Variants in ELOVL2 observed in about 807,000 individuals in gnomAD.
The protein encoded by ELOVL2 is very long chain fatty acid elongase 2.
ELOVL2 carries 38 observed loss-of-function variants against 37.7 expected under a neutral mutation model. The observed-to-expected ratio is 1.01, with a 90% confidence interval of 0.78 to 1.32. The LOEUF (loss-of-function observed/expected upper bound fraction) is 1.32. ELOVL2 is among the 40% of genes most tolerant of loss of function. ELOVL2 has a pLI of 0.00. For synonymous variants in ELOVL2, 115 were observed against 122.3 expected, an observed-to-expected ratio of 0.94 and a Z score of 0.40; for missense variants, 352 against 363.6, an observed-to-expected ratio of 0.97 and a Z score of 0.26.
chr6:11,023,846 A>G (rs1334468140), intron 1 of ELOVL2, among the ~76,000 whole-genome samples: 2 of 152,242 alleles, frequency 1.3e-5, no homozygotes, highest in Non-Finnish European at 2.9e-5. Context: ...AGGAAAATAA[A>G]TCACTAAAAA....
Position 11,010,721 on chromosome 6 carries a change from T to C in ELOVL2, c.67+25A>G, listed in dbSNP as rs903313067. The stretch of plus-strand genomic sequence containing the variant: ...GTGTTCTTCCTGTGTTCCTTCCACA[T>C]TAAGTTCTCAAGTAATTCACTGACC... On this transcript the variant is annotated intron_variant, in intron 2 of 7. Coordinates refer to ENST00000354666, the MANE Select transcript of ELOVL2 (RefSeq NM_017770.4). 1.9e-6 allele frequency: 3 copies of C among 1,589,920 alleles called. No homozygotes were observed. In the South Asian group the frequency reaches 3.3e-5, roughly 18 times the overall value.
At chr6:11,036,538 G>A (rs762756099) in intron 1 of ELOVL2, among the ~76,000 whole-genome samples, 9 of 152,146 alleles carry the variant, frequency 5.9e-5, no homozygotes, top group Admixed American at 1.3e-4. Flanking sequence ...TTTCGACTGC[G>A]TTGCCCCGGA....
rs747610272 is a variant in ELOVL2, at chr6:10,989,847, G to A, written c.631-10C>T. 54 of 1,613,858 alleles carry A rather than the reference G, an allele frequency of 3.3e-5. No individual in the cohort carries two copies. Among genetic ancestry groups the A allele is most frequent in the Non-Finnish European group, 4.4e-5 (52 of 1,179,922 alleles). On this transcript the variant is annotated splice_polypyrimidine_tract_variant and intron_variant, in intron 6 of 7. Coordinates refer to ENST00000354666, the MANE Select transcript of ELOVL2 (RefSeq NM_017770.4). ...TGAGCACGAACTGCACCTGGGGACGGCAGAGAGGGCATCTCTGTGAGCGAG... is the reference window on the plus strand; with the variant it reads ...TGAGCACGAACTGCACCTGGGGACGACAGAGAGGGCATCTCTGTGAGCGAG...
intron 5 of ELOVL2, among the ~76,000 whole-genome samples, chr6:10,994,349 T>C (rs1301027057): frequency 6.6e-6 from 1 of 150,502 alleles, no homozygotes; most frequent in Non-Finnish European, 1.5e-5. Context: ...GCGCCTGTAA[T>C]CCCAGCTACT....
At chr6:10,997,154 A>G (rs1026148667) in intron 4 of ELOVL2, among the ~76,000 whole-genome samples, 4 of 152,252 alleles carry the variant, frequency 2.6e-5, no homozygotes, top group Non-Finnish European at 5.9e-5. Flanking sequence ...CTCAGCATCC[A>G]ATGCCGAAAT....
chr6:10,995,719 C>T (rs184820941), intron 4 of ELOVL2, among the ~76,000 whole-genome samples: 3 of 152,314 alleles, frequency 2.0e-5, no homozygotes, highest in Admixed American at 1.3e-4. Flanking sequence ...ATTCAAATTA[C>T]TTTAACTGTG....
intron 2 of ELOVL2, among the ~76,000 whole-genome samples, chr6:11,008,579 A>G (rs960489497): frequency 1.3e-5 from 2 of 151,604 alleles, no homozygotes; most frequent in Non-Finnish European, 2.9e-5. Context: ...CTGCATGCCT[A>G]AGGGAGGGGT....
Position 10,990,487 on chromosome 6 carries a change from T to G in ELOVL2, c.506-45A>C, listed in dbSNP as rs1453975519. 4 of 1,521,428 alleles carry G rather than the reference T, an allele frequency of 2.6e-6. No homozygotes were observed. In the East Asian group the frequency reaches 9.8e-5, roughly 37 times the overall value. 94.2% of individuals were successfully genotyped at this position (1,521,428 alleles called of 1,614,324 possible). A position where few individuals can be genotyped will look rare whatever the true frequency, so the allele number is the denominator to read the frequency against. ...AAATCACTATTCTTCCAGGAAGGAC[T>G]GTTCATTCTTCTTTGTCAAGTGAGA... On this transcript the variant is annotated intron_variant, in intron 5 of 7. Coordinates refer to ENST00000354666, the MANE Select transcript of ELOVL2 (RefSeq NM_017770.4).
chr6:11,042,875 C>T (rs1783123787), intron 1 of ELOVL2, among the ~76,000 whole-genome samples: 2 of 152,120 alleles, frequency 1.3e-5, no homozygotes, highest in Admixed American at 1.3e-4. Flanking sequence ...ACCTACTGTG[C>T]GCCAGGCACT....
intron 3 of ELOVL2, among the ~76,000 whole-genome samples, chr6:11,001,048 A>C (rs574124275): frequency 6.6e-6 from 1 of 152,262 alleles, no homozygotes; most frequent in Non-Finnish European, 1.5e-5. Flanking sequence ...CAGGTATTAC[A>C]GGCGAAAGGC....
At chr6:10,989,075 C>G (rs532394171) in intron 7 of ELOVL2, among the ~76,000 whole-genome samples, 3 of 152,322 alleles carry the variant, frequency 2.0e-5, no homozygotes, top group South Asian at 2.1e-4. Flanking sequence ...TTTTAACTTT[C>G]AGATGTCAGA....
At chr6:11,030,495 G>A (rs912274865) in intron 1 of ELOVL2, among the ~76,000 whole-genome samples, 1 of 151,910 alleles carries the variant, frequency 6.6e-6, no homozygotes, top group Non-Finnish European at 1.5e-5. Flanking sequence ...TTTTTTGTTT[G>A]TTTGTTTTTT....
intron 1 of ELOVL2, among the ~76,000 whole-genome samples, chr6:11,019,777 T>C (rs1431607026): frequency 6.7e-6 from 1 of 150,318 alleles, no homozygotes; most frequent in African/African-American, 2.5e-5. Flanking sequence ...AGAGTCTCAC[T>C]TCTTTGCCCA....
chr6:10,986,274 T>C (rs187868197), intron 7 of ELOVL2, among the ~76,000 whole-genome samples: 1 of 152,260 alleles, frequency 6.6e-6, no homozygotes, highest in Admixed American at 6.5e-5. Flanking sequence ...TTTCTAGATA[T>C]ACAATCATGT....
At position 10,995,135 on chromosome 6, in the gene ELOVL2, T is replaced by G; in HGVS notation, c.377A>C (p.Glu126Ala). 1 of 1,613,222 alleles carries G rather than the reference T, an allele frequency of 6.2e-7. No homozygotes were observed. The highest frequency in any genetic ancestry group is 8.5e-7 in the Non-Finnish European group (1 of 1,179,584). ...AACGAAGAAAATTGTGTCCAGGAACTCTACTGATTTGGAGAAATAGTACCA... is the reference window on the plus strand; with the variant it reads ...AACGAAGAAAATTGTGTCCAGGAACGCTACTGATTTGGAGAAATAGTACCA... ...LWWYYFSKSV[E>A]FLDTIFFVLR... The change falls in exon 5 of 8, where the codon GAG becomes GCG. Residue 126 changes from glutamate (E) to alanine (A), a missense_variant. Glu to Ala is a moderately radical substitution (Grantham distance 107). Transcript: ENST00000354666.
Position 10,995,105 on chromosome 6 carries a change from C to T in ELOVL2, c.407G>A (p.Arg136Gln), listed in dbSNP as rs572165008. The change falls in exon 5 of 8, where the codon CGG (arginine) becomes CAG (glutamine). Residue 136 changes from arginine (R) to glutamine (Q), a missense_variant. By Grantham distance (43) the Arg-to-Gln change is conservative. Transcript: ENST00000354666. ...AAAAGTAATCTGACTCGTTTTTTTCCGCAAAACGAAGAAAATTGTGTCCAG... is the reference window on the plus strand; with the variant it reads ...AAAAGTAATCTGACTCGTTTTTTTCTGCAAAACGAAGAAAATTGTGTCCAG... ...EFLDTIFFVL[R>Q]KKTSQITFLH... is the part of the protein sequence containing the mutation. The T allele has an allele frequency of 2.4e-5, 38 of 1,612,454 alleles. No individual in the cohort carries two copies. The highest frequency in any genetic ancestry group is 3.3e-5 in the Admixed American group (2 of 59,906).
At chr6:11,040,447 T>C (rs1392728647) in intron 1 of ELOVL2, among the ~76,000 whole-genome samples, 7 of 151,940 alleles carry the variant, frequency 4.6e-5, no homozygotes, top group Admixed American at 2.0e-4. Flanking sequence ...AGATTTTCTA[T>C]GAAAAAAAAC....
At chr6:11,026,844 C>T (rs1347239000) in intron 1 of ELOVL2, among the ~76,000 whole-genome samples, 3 of 150,328 alleles carry the variant, frequency 2.0e-5, no homozygotes, top group Non-Finnish European at 4.4e-5. Flanking sequence ...AATAGATTAA[C>T]TATCCTTACA....
intron 1 of ELOVL2, among the ~76,000 whole-genome samples, chr6:11,029,673 G>A (rs1439349047): frequency 1.3e-5 from 2 of 152,220 alleles, no homozygotes; most frequent in African/African-American, 2.4e-5. Context: ...AAAATCAGAA[G>A]AGAAAGTGCA....
Sources: gnomAD v4.1 joint callset for allele counts (sites outside exome capture counted in the v4.1 genomes callset) on GRCh38, gnomAD v4.1.1 for gene constraint, MANE v1.5 for transcripts, NCBI Gene and HGNC (gene_info 2026-07-23, HGNC 2026-07-21) for gene names.